Variants in QPRT observed in about 807,000 individuals in gnomAD.
The protein encoded by QPRT is quinolinate phosphoribosyltransferase.
QPRT carries 17 observed loss-of-function variants against 19.8 expected under a neutral mutation model. The observed-to-expected ratio is 0.86, with a 90% CI of 0.59 to 1.29. The LOEUF is 1.29. Among genes scored for constraint, QPRT ranks in the 50% most tolerant of loss-of-function variants. QPRT has a pLI of 0.00. For synonymous variants in QPRT, 178 were observed against 191.0 expected (o/e 0.93, Z 0.56); for missense variants, 336 against 405.1 (o/e 0.83, Z 1.46).
At chr16:29,679,452 A>C (rs1445907367) in intron 1 of QPRT, among the ~76,000 whole-genome samples, 1 of 152,074 alleles carries the variant, frequency 6.6e-6, no homozygotes, top group Admixed American at 6.6e-5. Context: ...GAAGGGGCTT[A>C]AGCCCTAGAA....
rs1035217784 is a variant in QPRT, at chr16:29,682,491, C to T, written c.13+3281C>T. Among the ~76,000 whole-genome samples, 7 of 151,924 alleles carry T rather than the reference C, an allele frequency of 4.6e-5. No individual in the cohort carries two copies. The East Asian group carries it at 1.4e-3, about 29-fold the overall frequency. ...AGGTTCAAGTGATTCTCCTGCCTCA[C>T]TCTCCCAAGTAGCTGGGGATACAGG... On this transcript the variant is annotated intron_variant, in intron 1 of 3. Transcript: ENST00000395384.
intron 2 of QPRT, 70 bp from the exon 3 acceptor site, chr16:29,696,926 C>T: frequency 6.7e-7 from 1 of 1,499,854 alleles, no homozygotes; most frequent in South Asian, 1.3e-5. Context: ...CCTCGCCCTC[C>T]CGGCTCCCTG....
rs1395565539 is a variant in QPRT, at chr16:29,697,325, G to A, written c.808G>A (p.Gly270Arg). The A allele has an allele frequency of 6.2e-7, 1 of 1,614,134 alleles. No homozygotes were observed. Among genetic ancestry groups the A allele is most frequent in the South Asian group, 1.1e-5 (1 of 91,080 alleles). ...CGPHIDVISM[G>R]MLTQAAPALD... The stretch of plus-strand genomic sequence containing the variant: ...GCCGCACATAGACGTCATCTCCATG[G>A]GGATGCTGACCCAGGCGGCCCCAGC... Residue 270 changes from glycine to arginine, a missense_variant, in exon 4 of 4, where the codon GGG (glycine) becomes AGG (arginine). By Grantham distance (125) the Gly-to-Arg change is moderately radical. Transcript: ENST00000395384. This position sits in a 1 kb window ranked among gnomAD's most constrained non-coding sequence, Gnocchi z 4.4.
intron 1 of QPRT, among the ~76,000 whole-genome samples, chr16:29,690,057 G>A (rs1967280438): frequency 1.3e-5 from 2 of 152,178 alleles, no homozygotes; most frequent in African/African-American, 4.8e-5. Context: ...GCTCCAGTAT[G>A]TGTTATTCCC....
upstream of QPRT, chr16:29,679,083 C>T (rs779874244): frequency 2.5e-6 from 4 of 1,588,352 alleles, no homozygotes; most frequent in African/African-American, 2.7e-5. Flanking sequence ...TGGGAAGGGC[C>T]GGCTGACAGC....
intron 1 of QPRT, among the ~76,000 whole-genome samples, chr16:29,683,069 G>T (rs141987948): frequency 0.33 from 48,956 of 149,064 alleles, 8,859 homozygotes; most frequent in Middle Eastern, 0.49. Flanking sequence ...CTGTTGCCCA[G>T]GCTGGAGTGC....
chr16:29,684,898 G>T (rs1001896004), intron 1 of QPRT, among the ~76,000 whole-genome samples: 1 of 152,176 alleles, frequency 6.6e-6, no homozygotes, highest in African/African-American at 2.4e-5. Context: ...GGGAACAGGG[G>T]TGCCCGCGGC....
upstream of QPRT, chr16:29,679,137 G>A: frequency 1.2e-6 from 2 of 1,613,678 alleles, no homozygotes; most frequent in South Asian, 2.2e-5. Context: ...CCCAGCCTGG[G>A]GCCTCTGGGA....
rs193159737 is a variant in QPRT at position 29,679,694 on chromosome 16, A to G, written c.13+484A>G. The stretch of plus-strand genomic sequence containing the variant: ...TTGGGGTGATCAGTCCCAACCCCCA[A>G]CCATGAAGTCCGGTGGCAACAAAGG... On this transcript the variant is annotated intron_variant, in intron 1 of 3. Coordinates refer to ENST00000395384, the MANE Select transcript of QPRT (RefSeq NM_014298.6). 2.3e-3 allele frequency among the ~76,000 whole-genome samples: 344 copies of G among 152,160 alleles called. 1 individual carries two copies. Among genetic ancestry groups the G allele is most frequent in the Non-Finnish European group, 3.6e-3 (244 of 68,004 alleles).
rs537664108 is a variant in QPRT at position 29,691,364 on chromosome 16, CAAAAAAAAA to C, written c.14-3278_14-3270del. On this transcript the variant is annotated intron_variant, in intron 1 of 3. Coordinates refer to ENST00000395384, the MANE Select transcript of QPRT (RefSeq NM_014298.6). The stretch of plus-strand genomic sequence containing the variant: ...TGGGCAAAAGAGTGAAGCTCTGCAT[CAAAAAAAAA>C]AAAAAAAAAAAAAAAAAAAAATCAG... Among the ~76,000 whole-genome samples the C allele has an allele frequency of 5.6e-4, 29 of 51,884 alleles. No individual in the cohort carries two copies. The East Asian group carries it at 0.011, about 20-fold the overall frequency. The allele number at this position is 51,884 out of a possible 152,430, so 34.0% of individuals were successfully genotyped here.
chr16:29,694,321 A>G (rs1180303788), intron 1 of QPRT, among the ~76,000 whole-genome samples: 1 of 151,302 alleles, frequency 6.6e-6, no homozygotes, highest in African/African-American at 2.4e-5. Flanking sequence ...GGGTTTCACC[A>G]TATTAGCCAG....
chr16:29,690,448 G>A (rs1567330534), intron 1 of QPRT, among the ~76,000 whole-genome samples: 1 of 152,110 alleles, frequency 6.6e-6, no homozygotes, highest in South Asian at 2.1e-4. Flanking sequence ...TGTCCTCCAC[G>A]ATGGTTTAAC....
chr16:29,695,250 C>T (rs1312800105), intron 2 of QPRT, 51 bp downstream of exon 2: 3 of 1,469,898 alleles, frequency 2.0e-6, no homozygotes, highest in African/African-American at 1.4e-5. Context: ...CACACCCCTC[C>T]CCTCCCCTCC....
At chr16:29,680,174 G>T (rs2142293284) in intron 1 of QPRT, among the ~76,000 whole-genome samples, 1 of 152,048 alleles carries the variant, frequency 6.6e-6, no homozygotes, top group African/African-American at 2.4e-5. Context: ...AGCCAGGATG[G>T]TCTCATTTCC....
At chr16:29,680,549 C>T (rs1039057925) in intron 1 of QPRT, among the ~76,000 whole-genome samples, 3 of 152,162 alleles carry the variant, frequency 2.0e-5, no homozygotes, top group African/African-American at 7.2e-5. Flanking sequence ...CCATGCTCTA[C>T]GCTCAGAAGG....
Position 29,696,997 on chromosome 16 carries a change from C to T in QPRT, c.551C>T (p.Ala184Val), listed in dbSNP as rs766732908. Reference protein sequence around the residue: ...HVVAAGGVEKAVRAARQAADF... With the variant: ...HVVAAGGVEKVVRAARQAADF... The stretch of plus-strand genomic sequence containing the variant: ...CTTGTCCTCCCGGCTGCCCAGCAGG[C>T]GGTGCGGGCGGCCAGACAGGCGGCT... The change falls in exon 3 of 4, where the codon GCG (alanine) becomes GTG (valine). Residue 184 changes from alanine to valine, a missense_variant and splice_region_variant. Physicochemically the swap from Ala to Val is moderately conservative, Grantham distance 64. Coordinates refer to ENST00000395384, the MANE Select transcript of QPRT (RefSeq NM_014298.6). 129 of 1,599,470 alleles carry T rather than the reference C, an allele frequency of 8.1e-5. 1 individual carries two copies. In the South Asian group the frequency reaches 9.3e-4, roughly 12 times the overall value.
At position 29,695,056 on chromosome 16, in the gene QPRT, G is replaced by T; in HGVS notation, c.406G>T (p.Gly136Cys). The change falls in exon 2 of 4, where the codon GGC (glycine) becomes TGC (cysteine). Residue 136 changes from glycine (G) to cysteine (C), a missense_variant. Transcript: ENST00000395384. ...GGCCGGCTGGACTGGGCACGTGGCA[G>T]GCACGAGGAAGACCACGCCAGGCTT... ...RGAGWTGHVA[G>C]TRKTTPGFRL... 6.2e-7 allele frequency: 1 copy of T among 1,605,816 alleles called. No individual in the cohort carries two copies. Among genetic ancestry groups the T allele is most frequent in the Admixed American group, 1.7e-5 (1 of 59,506 alleles).
chr16:29,698,188 C>T lies in QPRT; in HGVS notation c.*777C>T, dbSNP rs1967610137. ...GATGGAGGTTTGCTGGGCAGAGACA[C>T]TGGGCTGGCCTAGACACTGCCTTTG... On this transcript the variant is annotated 3_prime_UTR_variant, in exon 4 of 4. Coordinates refer to ENST00000395384, the MANE Select transcript of QPRT (RefSeq NM_014298.6). 1 of 152,262 alleles carries T rather than the reference C, an allele frequency of 6.6e-6. No homozygotes were observed. Among genetic ancestry groups the T allele is most frequent in the African/African-American group, 2.4e-5 (1 of 41,416 alleles). The allele number at this position is 152,262 out of a possible 1,614,324, so 9.4% of individuals were successfully genotyped here.
At chr16:29,689,912 G>A (rs917739593) in intron 1 of QPRT, among the ~76,000 whole-genome samples, 1 of 152,042 alleles carries the variant, frequency 6.6e-6, no homozygotes, top group Non-Finnish European at 1.5e-5. Flanking sequence ...TGAAGAGCTC[G>A]GATTTTAAGA....
Sources: allele counts gnomAD v4.1 joint callset (sites outside exome capture counted in the v4.1 genomes callset), GRCh38; gene constraint gnomAD v4.1.1; non-coding constraint Gnocchi (gnomAD v3.1); transcripts MANE v1.5; gene names NCBI Gene and HGNC (gene_info 2026-07-23, HGNC 2026-07-21).